The following MTIF2 variants were observed in gnomAD, a reference collection of about 807,000 sequenced individuals.
MTIF2 encodes translation initiation factor IF-2, mitochondrial.
Under a neutral mutation model 83.5 loss-of-function variants are expected in MTIF2, and 71 were observed. That is an observed-to-expected ratio of 0.85 (90% CI 0.70 to 1.04). The LOEUF is 1.04. Ranked by LOEUF, MTIF2 falls within the 50% of genes least tolerant of loss-of-function variation. MTIF2 has a pLI of 0.00. For synonymous variants in MTIF2, 319 were observed against 287.1 expected (o/e 1.11, Z -1.12); for missense variants, 957 against 846.5 (o/e 1.13, Z -1.62).
intron 5 of MTIF2, among the ~76,000 whole-genome samples, chr2:55,260,388 GA>G (rs1438457804): frequency 1.3e-4 from 16 of 126,242 alleles, no homozygotes; most frequent in African/African-American, 4.5e-4. Context: ...TAACAAGAGT[GA>G]AACTCTGTCT....
At chr2:55,251,330 G>C (rs764065139) in intron 8 of MTIF2, among the ~76,000 whole-genome samples, 29 of 152,070 alleles carry the variant, frequency 1.9e-4, no homozygotes, top group Non-Finnish European at 3.2e-4. Flanking sequence ...TACAAAGGCA[G>C]TTTTGAGGAA....
At chr2:55,266,502 G>A (rs1678438187) in intron 3 of MTIF2, 4 of 148,616 alleles carry the variant, frequency 2.7e-5, no homozygotes. Context: ...CTCCAGCCGG[G>A]GAGACAGAGC....
At chr2:55,242,866 C>G in intron 13 of MTIF2, 74 bp downstream of exon 13, 1 of 1,471,056 alleles carries the variant, frequency 6.8e-7, no homozygotes, top group South Asian at 1.3e-5. Context: ...ACAAGCCAAG[C>G]AACAAAAGAC....
chr2:55,249,302 T>G, intron 9 of MTIF2, 93 bp downstream of exon 9: 1 of 1,464,176 alleles, frequency 6.8e-7, no homozygotes, highest in Non-Finnish European at 9.2e-7. Flanking sequence ...ACACAAATTA[T>G]GTACATCAAA....
chr2:55,249,366 G>A (rs776325919), intron 9 of MTIF2, 29 bp downstream of exon 9: 8 of 1,610,808 alleles, frequency 5.0e-6, no homozygotes, highest in Middle Eastern at 1.6e-4. Context: ...TCCCATCCAG[G>A]CATATTTATA....
At chr2:55,247,022 G>A (rs1213586407) in intron 9 of MTIF2, among the ~76,000 whole-genome samples, 1 of 152,050 alleles carries the variant, frequency 6.6e-6, no homozygotes, top group Non-Finnish European at 1.5e-5. Context: ...TAACCACCCA[G>A]CTGTGCAGCC....
chr2:55,267,298 A>G (rs185182896), intron 3 of MTIF2, among the ~76,000 whole-genome samples: 1 of 151,992 alleles, frequency 6.6e-6, no homozygotes, highest in African/African-American at 2.4e-5. Flanking sequence ...CTGGGATTAC[A>G]GGTGCCTGCC....
intron 7 of MTIF2, among the ~76,000 whole-genome samples, chr2:55,253,715 T>C (rs889031279): frequency 6.6e-6 from 1 of 151,364 alleles, no homozygotes; most frequent in African/African-American, 2.4e-5. Flanking sequence ...CTTGGGAGGC[T>C]GAGGCAGGAG....
At position 55,244,512 on chromosome 2, in the gene MTIF2, G is replaced by T. The variant is rs186957039; in HGVS notation, c.1107-279C>A. 8.5e-4 allele frequency among the ~76,000 whole-genome samples: 129 copies of T among 152,310 alleles called. 1 individual carries two copies. The highest frequency in any genetic ancestry group is 6.9e-3 in the Admixed American group (106 of 15,298). On this transcript the variant is annotated intron_variant, in intron 10 of 15. Coordinates refer to ENST00000263629, the MANE Select transcript of MTIF2 (RefSeq NM_002453.3). Reference sequence around the variant, plus strand: ...GACCATTTTAAACAAATTTATTTGCGATAGCCAAGAAGTAGAAGCAACTCA... The same window carrying T: ...GACCATTTTAAACAAATTTATTTGCTATAGCCAAGAAGTAGAAGCAACTCA...
At chr2:55,259,159 A>G (rs1479113611) in intron 5 of MTIF2, among the ~76,000 whole-genome samples, 1 of 152,196 alleles carries the variant, frequency 6.6e-6, no homozygotes, top group Non-Finnish European at 1.5e-5. Flanking sequence ...CCAAGACTTA[A>G]ATAAATATTT....
intron 14 of MTIF2, among the ~76,000 whole-genome samples, chr2:55,239,727 A>G (rs766319960): frequency 1.8e-4 from 28 of 152,192 alleles, no homozygotes; most frequent in Admixed American, 1.2e-3. Flanking sequence ...TATGCGTTCA[A>G]TAGTAGTGTA....
intron 9 of MTIF2, 140 bp downstream of exon 9, chr2:55,249,255 C>CA: frequency 9.5e-7 from 1 of 1,048,204 alleles, no homozygotes. Flanking sequence ...AAGATAATAC[C>CA]ATCTTTGCCT....
chr2:55,245,520 G>A (rs111298993), intron 10 of MTIF2, among the ~76,000 whole-genome samples: 5 of 152,072 alleles, frequency 3.3e-5, no homozygotes, highest in East Asian at 1.9e-4. Flanking sequence ...GCAAAAGTCC[G>A]TCTCAAAAAG....
chr2:55,261,177 A>T (rs1348135290), intron 5 of MTIF2, among the ~76,000 whole-genome samples: 1 of 151,992 alleles, frequency 6.6e-6, no homozygotes, highest in Non-Finnish European at 1.5e-5. Context: ...TTTAGTAGAG[A>T]TGGGGTTTCA....
rs1354838942 is a variant in MTIF2, at chr2:55,262,467, A to G, written c.220-40T>C. The G allele has an allele frequency of 3.8e-6, 5 of 1,305,522 alleles. No homozygotes were observed. In the South Asian group the frequency reaches 5.0e-5, roughly 13 times the overall value. The allele number at this position is 1,305,522 out of a possible 1,614,324, so 80.9% of individuals were successfully genotyped here. ...AGAACATATAAACAAAAAGGAAGAA[A>G]AAACTTAAGTGACAATTTAGATTTA... is the stretch of plus-strand genomic sequence containing the variant. On this transcript the variant is annotated intron_variant, in intron 4 of 15. Coordinates refer to ENST00000263629, the MANE Select transcript of MTIF2 (RefSeq NM_002453.3).
intron 5 of MTIF2, among the ~76,000 whole-genome samples, chr2:55,261,140 C>A (rs937823720): frequency 1.3e-5 from 2 of 152,016 alleles, no homozygotes; most frequent in Non-Finnish European, 2.9e-5. Context: ...GCGCCCGCCA[C>A]TAGGCCCAGC....
Position 55,242,920 on chromosome 2 carries a change from A to T in MTIF2, c.1705+20T>A, listed in dbSNP as rs1676430154. On this transcript the variant is annotated intron_variant, in intron 13 of 15. Transcript: ENST00000263629. The stretch of plus-strand genomic sequence containing the variant: ...GTTATTTGGGGAACACAGATTAACA[A>T]GAAGAAATGGAATCCTTACCATCAA... 6.3e-7 allele frequency: 1 copy of T among 1,598,322 alleles called. No individual in the cohort carries two copies.
Position 55,254,653 on chromosome 2 carries a change from C to T in MTIF2, c.503+1G>A. The T allele has an allele frequency of 6.3e-7, 1 of 1,593,240 alleles. No individual in the cohort carries two copies. The highest frequency in any genetic ancestry group is 8.5e-7 in the Non-Finnish European group (1 of 1,170,556). On this transcript the variant is annotated splice_donor_variant, in intron 6 of 15. Coordinates refer to ENST00000263629, the MANE Select transcript of MTIF2 (RefSeq NM_002453.3). LOFTEE classifies it high-confidence loss of function. The stretch of plus-strand genomic sequence containing the variant: ...TGCCAGTATATACAGTTAAGTTTTA[C>T]CTTCTTACAGCATCTTTATTTTTTC...
chr2:55,269,233 G>A (rs1390835546), upstream of MTIF2: 3 of 152,416 alleles, frequency 2.0e-5, no homozygotes, highest in East Asian at 1.9e-4. Flanking sequence ...CGGAAGAATG[G>A]TCGGTAGGTC....
Sources: allele counts gnomAD v4.1 joint callset (sites outside exome capture counted in the v4.1 genomes callset), GRCh38; gene constraint gnomAD v4.1.1; transcripts MANE v1.5; gene names NCBI Gene and HGNC (gene_info 2026-07-23, HGNC 2026-07-21).